Variants in TRPM3 observed in about 807,000 individuals in gnomAD.
The protein encoded by TRPM3 is transient receptor potential cation channel subfamily M member 3, also known as long transient receptor potential channel 3.
A neutral mutation model predicts 181.2 loss-of-function variants in TRPM3; 77 were observed. The ratio of observed to expected loss-of-function variants is 0.42; its 90% CI spans 0.35 to 0.51. The LOEUF (loss-of-function observed/expected upper bound fraction) is 0.51, where lower values mean the gene tolerates loss of function less well. Ranked by LOEUF, TRPM3 falls within the 20% of genes least tolerant of loss-of-function variation. The pLI is 0.01. For missense variants in TRPM3, 1,759 were observed against 2,196.7 expected (o/e 0.80, Z 3.98); for synonymous variants, 745 against 796.4 (o/e 0.94, Z 1.09).
chr9:70,981,051 A>G (rs901262866), intron 1 of TRPM3, among the ~76,000 whole-genome samples: 1 of 152,182 alleles, frequency 6.6e-6, no homozygotes, highest in Non-Finnish European at 1.5e-5. Flanking sequence ...AGCTCGAGTC[A>G]CATTAAAGTG....
In TRPM3 at chr9:71,420,083, G is replaced by A. The variant is rs77765188; in HGVS notation, c.183+26570C>T. Among the ~76,000 whole-genome samples the A allele has an allele frequency of 1.6e-3, 238 of 151,824 alleles. 1 individual carries two copies. The highest frequency in any genetic ancestry group is 3.8e-3 in the African/African-American group (157 of 41,436). Reference sequence around the variant, plus strand: ...TACCTCATTTTAAATAATATCTTTCGTCATTTTCCCATTTTAAACCTTCTT... The same window carrying A: ...TACCTCATTTTAAATAATATCTTTCATCATTTTCCCATTTTAAACCTTCTT... On this transcript the variant is annotated intron_variant, in intron 1 of 24. Coordinates refer to the TRPM3 transcript ENST00000357533.
chr9:70,862,121 G>A (rs2095537722), intron 3 of TRPM3, among the ~76,000 whole-genome samples: 1 of 152,004 alleles, frequency 6.6e-6, no homozygotes, highest in Non-Finnish European at 1.5e-5. Context: ...TCCATGACAC[G>A]CCTAAGAACA....
intron 1 of TRPM3, among the ~76,000 whole-genome samples, chr9:71,097,488 G>T (rs1018134477): frequency 2.0e-5 from 3 of 151,478 alleles, no homozygotes; most frequent in Non-Finnish European, 2.9e-5. Flanking sequence ...TAGTTTAAAG[G>T]TTCTTCCAAA....
At chr9:71,148,169 G>A (rs1406504890) in intron 1 of TRPM3, among the ~76,000 whole-genome samples, 2 of 151,914 alleles carry the variant, frequency 1.3e-5, no homozygotes, top group African/African-American at 4.8e-5. Context: ...GCAAAACTAT[G>A]TACCTTAGTT....
At chr9:70,978,914 G>T (rs1004519366) in intron 1 of TRPM3, among the ~76,000 whole-genome samples, 6 of 152,154 alleles carry the variant, frequency 3.9e-5, no homozygotes, top group Non-Finnish European at 4.4e-5. Context: ...TCCCACAAAT[G>T]TTAGAGAGAA....
chr9:71,429,329 G>C (rs749355699), intron 1 of TRPM3, among the ~76,000 whole-genome samples: 1 of 152,152 alleles, frequency 6.6e-6, no homozygotes, highest in African/African-American at 2.4e-5. Context: ...AGAATGTAGA[G>C]CCAGGCACGC....
At chr9:71,272,389 A>G (rs1255711395) in intron 1 of TRPM3, among the ~76,000 whole-genome samples, 1 of 152,162 alleles carries the variant, frequency 6.6e-6, no homozygotes, top group Admixed American at 6.5e-5. Context: ...ATTTCACAAT[A>G]TATTGCACAA....
intron 1 of TRPM3, among the ~76,000 whole-genome samples, chr9:71,269,428 G>A (rs1165965834): frequency 6.6e-6 from 1 of 152,210 alleles, no homozygotes; most frequent in Non-Finnish European, 1.5e-5. Context: ...CCAAGTCAGT[G>A]AACCATGGCC....
At chr9:71,232,605 A>G (rs1364925068) in intron 1 of TRPM3, among the ~76,000 whole-genome samples, 2 of 147,388 alleles carry the variant, frequency 1.4e-5, no homozygotes, top group Non-Finnish European at 3.0e-5. Flanking sequence ...GGTTCAAGCA[A>G]TTCTCCTGCC....
chr9:71,380,154 T>G (rs2092764712), intron 1 of TRPM3, among the ~76,000 whole-genome samples: 1 of 152,046 alleles, frequency 6.6e-6, no homozygotes, highest in Non-Finnish European at 1.5e-5. Flanking sequence ...TTCCTCAATG[T>G]GCAGTGGTCT....
chr9:70,567,738 C>T (rs1428994149), intron 22 of TRPM3, among the ~76,000 whole-genome samples: 2 of 151,624 alleles, frequency 1.3e-5, no homozygotes, highest in Non-Finnish European at 2.9e-5. Context: ...TATCCCTTGT[C>T]GAATTGTGAA....
chr9:71,361,204 C>G (rs1162860678), intron 1 of TRPM3, among the ~76,000 whole-genome samples: 2 of 152,152 alleles, frequency 1.3e-5, no homozygotes, highest in Non-Finnish European at 2.9e-5. Context: ...CCAGGCTGGT[C>G]TTGAACTCCT....
At chr9:70,550,174 T>C (rs888085542) in intron 24 of TRPM3, among the ~76,000 whole-genome samples, 3 of 152,180 alleles carry the variant, frequency 2.0e-5, no homozygotes, top group African/African-American at 7.2e-5. Context: ...AGGATCCAGT[T>C]TGGGCCAAGA....
chr9:70,872,632 T>C lies in TRPM3; in HGVS notation c.178-8121A>G, dbSNP rs77752993. On this transcript the variant is annotated intron_variant, in intron 1 of 25. Coordinates refer to ENST00000677713, the MANE Select transcript of TRPM3 (RefSeq NM_001366145.2). ...TGTGCTGTGTCTTTGTAGGTTTGTT[T>C]TTTGTCTGTGTCCCCCACTAGAATA... Among the ~76,000 whole-genome samples the C allele has an allele frequency of 5.4e-3, 818 of 152,096 alleles. 8 individuals carry two copies. Among genetic ancestry groups the C allele is most frequent in the African/African-American group, 0.019 (779 of 41,526 alleles).
At chr9:71,214,601 T>A (rs1239082455) in intron 1 of TRPM3, among the ~76,000 whole-genome samples, 2 of 152,136 alleles carry the variant, frequency 1.3e-5, no homozygotes, top group African/African-American at 4.8e-5. Flanking sequence ...TCATATTCTG[T>A]CACTTCCCTT....
At chr9:71,256,364 T>C (rs1456680830) in intron 1 of TRPM3, among the ~76,000 whole-genome samples, 2 of 152,168 alleles carry the variant, frequency 1.3e-5, no homozygotes, top group Non-Finnish European at 2.9e-5. Context: ...CTACTCTTTT[T>C]CTTAGTACCA....
chr9:71,002,004 CAG>C (rs35497862), intron 1 of TRPM3, among the ~76,000 whole-genome samples: 34,349 of 152,066 alleles, frequency 0.23, 4,603 homozygotes, highest in East Asian at 0.33. Context: ...TCAACACAGA[CAG>C]AGGAACTACA....
At position 70,890,406 on chromosome 9, in the gene TRPM3, A is replaced by G. The variant is rs114924522; in HGVS notation, c.178-25895T>C. ...ACAGAGAACACCAAAAGAGAAAATTATCAAAAAAATTGATATAAGAAAAAC... is the reference window on the plus strand; with the variant it reads ...ACAGAGAACACCAAAAGAGAAAATTGTCAAAAAAATTGATATAAGAAAAAC... On this transcript the variant is annotated intron_variant, in intron 1 of 25. Transcript: ENST00000677713. Among the ~76,000 whole-genome samples the G allele has an allele frequency of 4.9e-3, 744 of 152,222 alleles. 8 individuals carry two copies. The highest frequency in any genetic ancestry group is 0.017 in the African/African-American group (713 of 41,558).
chr9:71,080,537 G>A (rs1167180832), intron 1 of TRPM3, among the ~76,000 whole-genome samples: 1 of 152,162 alleles, frequency 6.6e-6, no homozygotes, highest in Non-Finnish European at 1.5e-5. Flanking sequence ...GTGTTTGAGG[G>A]ATGATAGGAC....
Sources: allele counts gnomAD v4.1 joint callset (sites outside exome capture counted in the v4.1 genomes callset), GRCh38; gene constraint gnomAD v4.1.1; transcripts MANE v1.5; gene names NCBI Gene and HGNC (gene_info 2026-07-23, HGNC 2026-07-21).